LGALS12: variants seen among roughly 807,000 people sequenced by gnomAD.
LGALS12 encodes galectin-12.
A neutral mutation model predicts 36.8 loss-of-function variants in LGALS12; 36 were observed. The observed-to-expected ratio is 0.98, with a 90% CI of 0.75 to 1.29. The LOEUF (loss-of-function observed/expected upper bound fraction) is 1.29. LGALS12 is among the 50% of genes most tolerant of loss of function. The pLI, the probability that LGALS12 is intolerant of heterozygous loss-of-function variation, is 0.00. For synonymous variants in LGALS12, 145 were observed against 155.9 expected, an observed-to-expected ratio of 0.93 and a Z score of 0.52; for missense variants, 366 against 394.3, an observed-to-expected ratio of 0.93 and a Z score of 0.61.
At chr11:63,509,133 G>T in intron 3 of LGALS12, 142 bp downstream of exon 3, 1 of 709,774 alleles carries the variant, frequency 1.4e-6, no homozygotes, top group Non-Finnish European at 2.4e-6. Flanking sequence ...TGCCATGCCC[G>T]GTTCCAGGCT....
Position 63,516,440 on chromosome 11 carries a change from C to A in LGALS12, c.*47C>A. On this transcript the variant is annotated 3_prime_UTR_variant, in exon 9 of 9. Transcript: ENST00000394618. ...GCCAGAAAACAAGAAGGTCAGCCCA[C>A]TCCCAGGGCCCCACTCTCCTCCCCT... is the stretch of plus-strand genomic sequence containing the variant. The A allele has an allele frequency of 6.2e-7, 1 of 1,607,432 alleles. No homozygotes were observed.
chr11:63,508,471 T>C, intron 1 of LGALS12, 82 bp from the exon 2 acceptor site: 2 of 1,571,898 alleles, frequency 1.3e-6, no homozygotes, highest in Non-Finnish European at 1.7e-6. Flanking sequence ...TTTATTCTGC[T>C]CCTTTCCTCC....
intron 4 of LGALS12, 80 bp from the exon 5 acceptor site, chr11:63,510,383 G>C: frequency 7.0e-7 from 1 of 1,422,298 alleles, no homozygotes; most frequent in South Asian, 1.1e-5. Context: ...AAAGGCCAGG[G>C]CTCTGCCCAC....
At chr11:63,509,261 A>G (rs2016843150) in intron 3 of LGALS12, among the ~76,000 whole-genome samples, 1 of 152,248 alleles carries the variant, frequency 6.6e-6, no homozygotes, top group Non-Finnish European at 1.5e-5. Context: ...GAACTGTTCT[A>G]AGCCCTTAAA....
chr11:63,511,946 C>T, intron 7 of LGALS12, 106 bp downstream of exon 7: 1 of 807,702 alleles, frequency 1.2e-6, no homozygotes. Flanking sequence ...CATTTAATCC[C>T]CATTTTACAG....
At chr11:63,516,203 A>T in intron 8 of LGALS12, 44 bp from the exon 9 acceptor site, 2 of 1,524,308 alleles carry the variant, frequency 1.3e-6, no homozygotes, top group Non-Finnish European at 1.8e-6. Flanking sequence ...GACAAGGGAA[A>T]GTCTGGCTGG....
intron 5 of LGALS12, 51 bp from the exon 6 acceptor site, chr11:63,511,028 T>G (rs1252864643): frequency 1.0e-5 from 16 of 1,588,616 alleles, no homozygotes; most frequent in Non-Finnish European, 1.4e-5. Flanking sequence ...GTTTCCCTTT[T>G]CCTGAGCAAA....
Position 63,506,341 on chromosome 11 carries a change from G to T in LGALS12, c.-118G>T. The T allele has an allele frequency of 6.2e-7, 1 of 1,610,954 alleles. No homozygotes were observed. The highest frequency in any genetic ancestry group is 1.7e-5 in the Admixed American group (1 of 59,856). On this transcript the variant is annotated 5_prime_UTR_variant, in exon 1 of 9. Transcript: ENST00000394618. ...TTAAAACGCTGCAGGTCGCAGGTGA[G>T]ACTAACAGCTGGGAGAGCTGCTCCA...
chr11:63,511,267 G>A (rs926734223), intron 6 of LGALS12, among the ~76,000 whole-genome samples, 162 bp downstream of exon 6: 2 of 127,284 alleles, frequency 1.6e-5, no homozygotes, highest in African/African-American at 6.2e-5. Flanking sequence ...GCCCCCAGCC[G>A]CATGATTTCC....
At chr11:63,510,422 G>C (rs996231849) in intron 4 of LGALS12, 41 bp from the exon 5 acceptor site, 17 of 1,606,304 alleles carry the variant, frequency 1.1e-5, no homozygotes, top group Non-Finnish European at 1.4e-5. Context: ...GGATTGCAGT[G>C]GTCCTAAATG....
intron 7 of LGALS12, among the ~76,000 whole-genome samples, chr11:63,512,117 C>T (rs1046836695): frequency 2.0e-5 from 3 of 152,144 alleles, no homozygotes; most frequent in Non-Finnish European, 4.4e-5. Flanking sequence ...GGAAAGGGGC[C>T]CCAGGAAAGG....
intron 1 of LGALS12, 90 bp downstream of exon 1, chr11:63,506,617 G>A (rs2016750733): frequency 1.3e-6 from 2 of 1,540,460 alleles, no homozygotes; most frequent in Admixed American, 1.7e-5. Flanking sequence ...GGGTGGAAAG[G>A]ACCTCAGTCT....
chr11:63,507,611 C>A (rs1381811978), intron 1 of LGALS12, among the ~76,000 whole-genome samples: 2 of 133,778 alleles, frequency 1.5e-5, no homozygotes, highest in East Asian at 4.1e-4. Context: ...ATCCAAGGAA[C>A]CCAAGTGGAT....
chr11:63,512,013 G>A (rs1458467885), intron 7 of LGALS12, among the ~76,000 whole-genome samples, 173 bp downstream of exon 7: 3 of 152,222 alleles, frequency 2.0e-5, no homozygotes, highest in Non-Finnish European at 2.9e-5. Flanking sequence ...AGCTTATGAA[G>A]GTCAGGCTGG....
chr11:63,511,948 A>AT lies in LGALS12; in HGVS notation c.647+112dup, dbSNP rs2134325928. 5.0e-6 allele frequency: 4 copies of AT among 793,648 alleles called. No homozygotes were observed. The South Asian group carries it at 5.8e-5, about 11-fold the overall frequency. The allele number at this position is 793,648 out of a possible 1,614,324, so 49.2% of individuals were successfully genotyped here. On this transcript the variant is annotated intron_variant, in intron 7 of 8. Transcript: ENST00000394618. ...CTCCTAGCACCACCATTTAATCCCC[A>AT]TTTTACAGATGAGGAAACAGAGGAG...
intron 4 of LGALS12, among the ~76,000 whole-genome samples, chr11:63,510,199 GTGGCAGC>G (rs557350970): frequency 1.3e-5 from 2 of 152,184 alleles, no homozygotes; most frequent in Non-Finnish European, 2.9e-5. Context: ...GCCGAAACGG[GTGGCAGC>G]TGGCTTTATC....
At chr11:63,506,839 A>G (rs1273626243) in intron 1 of LGALS12, among the ~76,000 whole-genome samples, 1 of 151,878 alleles carries the variant, frequency 6.6e-6, no homozygotes, top group Admixed American at 6.6e-5. Flanking sequence ...TTGTTGGGGG[A>G]ATGCTGATTA....
rs768343823 is a variant in LGALS12, at chr11:63,515,596, T to C, written c.681T>C (p.His227=). Residue 227 remains histidine, a synonymous_variant, in exon 8 of 9, where the codon CAT becomes CAC. Coordinates refer to ENST00000394618, the MANE Select transcript of LGALS12 (RefSeq NM_033101.4). Reference sequence around the variant, plus strand: ...TGAGCCTGAGGGACCAGGCTGCCCATGCTCCTGTGACACTCAGGGCCTCCT... The same window carrying C: ...TGAGCCTGAGGGACCAGGCTGCCCACGCTCCTGTGACACTCAGGGCCTCCT... ...FTVSLRDQAA[H]APVTLRASFA... 4 of 1,614,226 alleles carry C rather than the reference T, an allele frequency of 2.5e-6. No individual in the cohort carries two copies. The highest frequency in any genetic ancestry group is 3.4e-6 in the Non-Finnish European group (4 of 1,180,024).
chr11:63,513,393 TG>T (rs2016985593), intron 7 of LGALS12, among the ~76,000 whole-genome samples: 1 of 152,032 alleles, frequency 6.6e-6, no homozygotes, highest in Non-Finnish European at 1.5e-5. Flanking sequence ...TCATAAATAG[TG>T]AGGAAACCAG....
Sources: allele counts gnomAD v4.1 joint callset (sites outside exome capture counted in the v4.1 genomes callset), GRCh38; gene constraint gnomAD v4.1.1; transcripts MANE v1.5; gene names NCBI Gene and HGNC (gene_info 2026-07-23, HGNC 2026-07-21).